Variants in PTPRD observed in about 807,000 individuals in gnomAD.
PTPRD encodes the protein receptor-type tyrosine-protein phosphatase delta.
In PTPRD, 34 loss-of-function variants were observed where a neutral mutation model predicts 214.5. The observed-to-expected ratio is 0.16, with a 90% CI of 0.12 to 0.21. The LOEUF is 0.21. PTPRD is among the 10% of genes least tolerant of loss of function. The pLI is 1.00. For missense variants in PTPRD, 2,545 were observed against 2,398.7 expected (o/e 1.06, Z -1.27); for synonymous variants, 1,128 against 845.7 (o/e 1.33, Z -5.79).
At chr9:8,765,104 T>C (rs1273523847) in intron 11 of PTPRD, among the ~76,000 whole-genome samples, 1 of 152,150 alleles carries the variant, frequency 6.6e-6, no homozygotes, top group Non-Finnish European at 1.5e-5. Flanking sequence ...AAACGCCCTT[T>C]GAGCAGAAAG....
intron 14 of PTPRD, among the ~76,000 whole-genome samples, chr9:8,532,657 T>C (rs573492642): frequency 2.6e-5 from 4 of 152,080 alleles, no homozygotes; most frequent in Admixed American, 6.6e-5. Context: ...TATTCAATCA[T>C]GCAGAATTAG....
In PTPRD at chr9:8,510,405, C is replaced by T. The variant is rs532907760; in HGVS notation, c.1544-2971G>A. On this transcript the variant is annotated intron_variant, in intron 21 of 45. Transcript: ENST00000381196. The stretch of plus-strand genomic sequence containing the variant: ...AGAAGGCCATATGGGGCCTGGGGCC[C>T]GGTGGAGAGTGCCCACCACCTGAAG... 5.3e-5 allele frequency among the ~76,000 whole-genome samples: 8 copies of T among 152,290 alleles called. No homozygotes were observed. In the East Asian group the frequency reaches 7.7e-4, roughly 15 times the overall value.
At chr9:9,292,212 A>G (rs1468466060) in intron 9 of PTPRD, among the ~76,000 whole-genome samples, 1 of 151,178 alleles carries the variant, frequency 6.6e-6, no homozygotes, top group Non-Finnish European at 1.5e-5. Context: ...ATCTCTCTCA[A>G]TATCATCTCA....
intron 12 of PTPRD, among the ~76,000 whole-genome samples, chr9:8,643,675 T>C (rs2096625858): frequency 6.6e-6 from 1 of 152,242 alleles, no homozygotes; most frequent in African/African-American, 2.4e-5. Flanking sequence ...GCCTAGGTGC[T>C]GTCAGCCTGA....
intron 9 of PTPRD, among the ~76,000 whole-genome samples, chr9:9,301,739 A>C (rs770558386): frequency 1.3e-5 from 2 of 151,886 alleles, no homozygotes; most frequent in Non-Finnish European, 2.9e-5. Context: ...TATTGATTGC[A>C]CTAATTATAG....
chr9:10,007,040 G>T (rs900477761), intron 4 of PTPRD, among the ~76,000 whole-genome samples: 1 of 151,806 alleles, frequency 6.6e-6, no homozygotes, highest in Non-Finnish European at 1.5e-5. Context: ...TAACATTATA[G>T]TCTTTGAGCT....
At chr9:10,216,690 A>T (rs2099542795) in intron 3 of PTPRD, among the ~76,000 whole-genome samples, 1 of 152,064 alleles carries the variant, frequency 6.6e-6, no homozygotes, top group South Asian at 2.1e-4. Flanking sequence ...TGTTCACAAT[A>T]GAGCTCTCTT....
chr9:9,526,946 G>C (rs969869424), intron 8 of PTPRD, among the ~76,000 whole-genome samples: 4 of 152,094 alleles, frequency 2.6e-5, no homozygotes, highest in African/African-American at 7.2e-5. Flanking sequence ...AAAAGTTGGA[G>C]TCAAGGAGGT....
intron 8 of PTPRD, among the ~76,000 whole-genome samples, chr9:9,403,228 T>A (rs1230664583): frequency 7.7e-6 from 1 of 129,676 alleles, no homozygotes; most frequent in African/African-American, 3.0e-5. Flanking sequence ...GAGGCAGAGG[T>A]CTCAGTAAGC....
intron 8 of PTPRD, among the ~76,000 whole-genome samples, chr9:9,471,633 A>G (rs777113722): frequency 6.6e-6 from 1 of 152,160 alleles, no homozygotes; most frequent in African/African-American, 2.4e-5. Context: ...AAGTTTTCTA[A>G]TCTTACTATA....
At chr9:8,895,541 A>T (rs2098602188) in intron 11 of PTPRD, among the ~76,000 whole-genome samples, 1 of 152,178 alleles carries the variant, frequency 6.6e-6, no homozygotes, top group East Asian at 1.9e-4. Flanking sequence ...ACAGACTTCA[A>T]CTCACTATGA....
chr9:10,590,607 A>C (rs1331353496), intron 2 of PTPRD, among the ~76,000 whole-genome samples: 4 of 151,922 alleles, frequency 2.6e-5, no homozygotes, highest in Admixed American at 2.6e-4. Context: ...TGTAAACACT[A>C]TCTTAGATTC....
intron 2 of PTPRD, among the ~76,000 whole-genome samples, chr9:10,350,022 T>C (rs1276534807): frequency 6.6e-6 from 1 of 152,206 alleles, no homozygotes; most frequent in Admixed American, 6.5e-5. Context: ...GGCAGCTGGA[T>C]TGGTCAAATT....
chr9:8,346,450 C>T (rs376300012), intron 39 of PTPRD, among the ~76,000 whole-genome samples: 5 of 152,230 alleles, frequency 3.3e-5, no homozygotes, highest in Non-Finnish European at 5.9e-5. Context: ...CGGTTAACCA[C>T]GGTCTGAAAA....
At chr9:9,472,411 G>C (rs2094680767) in intron 8 of PTPRD, among the ~76,000 whole-genome samples, 1 of 151,596 alleles carries the variant, frequency 6.6e-6, no homozygotes, top group Non-Finnish European at 1.5e-5. Context: ...CACCTTGTTA[G>C]CCAGGATGGT....
chr9:10,139,208 A>G (rs2098964592), intron 3 of PTPRD, among the ~76,000 whole-genome samples: 1 of 152,130 alleles, frequency 6.6e-6, no homozygotes, highest in Admixed American at 6.6e-5. Context: ...AGGATACAAG[A>G]TAAATGCATA....
At chr9:9,884,742 G>T (rs1600861600) in intron 5 of PTPRD, among the ~76,000 whole-genome samples, 1 of 152,258 alleles carries the variant, frequency 6.6e-6, no homozygotes, top group South Asian at 2.1e-4. Flanking sequence ...TCATGATAGT[G>T]AGTAAGTTTT....
chr9:9,354,284 A>G (rs1198813880), intron 9 of PTPRD, among the ~76,000 whole-genome samples: 1 of 151,806 alleles, frequency 6.6e-6, no homozygotes, highest in Admixed American at 6.6e-5. Flanking sequence ...GTATGGGTAT[A>G]TGAATCCTGG....
chr9:9,902,840 G>A (rs140966221), intron 5 of PTPRD, among the ~76,000 whole-genome samples: 194 of 152,166 alleles, frequency 1.3e-3, no homozygotes, highest in Middle Eastern at 6.8e-3. Flanking sequence ...TATGAATTGC[G>A]TTTGGACATT....
Sources: allele counts gnomAD v4.1 joint callset (sites outside exome capture counted in the v4.1 genomes callset), GRCh38; gene constraint gnomAD v4.1.1; transcripts MANE v1.5; gene names NCBI Gene and HGNC (gene_info 2026-07-23, HGNC 2026-07-21).